The following RRM2 variants were observed in gnomAD, a reference collection of about 807,000 sequenced individuals.
RRM2 encodes the protein ribonucleotide reductase regulatory subunit M2.
Under a neutral mutation model 45.9 loss-of-function variants are expected in RRM2, and 6 were observed. The observed-to-expected ratio is 0.13, with a 90% CI of 0.07 to 0.26. The LOEUF is 0.26. RRM2 is among the 10% of genes least tolerant of loss of function. RRM2 has a pLI of 1.00. For missense variants in RRM2, 343 were observed against 489.5 expected, an observed-to-expected ratio of 0.70 and a Z score of 2.82; for synonymous variants, 177 against 173.0, an observed-to-expected ratio of 1.02 and a Z score of -0.18.
At chr2:10,178,326 A>T (rs1663975368) in intron 3 of RRM2, among the ~76,000 whole-genome samples, 2 of 146,134 alleles carry the variant, frequency 1.4e-5, no homozygotes, top group African/African-American at 2.5e-5. Context: ...GGGTTCAAGC[A>T]ATTCTCCCGC....
chr2:10,166,078 C>G (rs1416794479), intron 3 of RRM2, among the ~76,000 whole-genome samples: 1 of 152,226 alleles, frequency 6.6e-6, no homozygotes, highest in Non-Finnish European at 1.5e-5. Flanking sequence ...GACGGTCCTT[C>G]TGCCCCGAGG....
Position 10,123,741 on chromosome 2 carries a change from C to CCT in RRM2, c.328_329dup (p.Lys111ProfsTer10), listed in dbSNP as rs746257461. On this transcript the variant is annotated frameshift_variant, in exon 4 of 10. Transcript: ENST00000304567. LOFTEE classifies it high-confidence loss of function. ...TTGTGACTTCCGAACCTCAGGTGGA[C>CCT]CTCTCCAAGGACATTCAGCACTGGG... is the stretch of plus-strand genomic sequence containing the variant. The CCT allele has an allele frequency of 3.8e-6, 6 of 1,590,516 alleles. No individual in the cohort carries two copies. In the Admixed American group the frequency reaches 1.0e-4, roughly 27 times the overall value.
At chr2:10,126,808 T>C in intron 5 of RRM2, 67 bp from the exon 6 acceptor site, 1 of 1,201,820 alleles carries the variant, frequency 8.3e-7, no homozygotes, top group Non-Finnish European at 1.2e-6. Context: ...AGCTCTTATC[T>C]AGCAGTTGGT....
rs1664650027 is a variant in RRM2 at position 10,205,733 on chromosome 2, C to T, written n.483-4578C>T. Among the ~76,000 whole-genome samples, 1 of 151,812 alleles carries T rather than the reference C, an allele frequency of 6.6e-6. No individual in the cohort carries two copies. The highest frequency in any genetic ancestry group is 2.4e-5 in the African/African-American group (1 of 41,330). The stretch of plus-strand genomic sequence containing the variant: ...TTGAGATGGAGTCTTGCTGTGTCAC[C>T]CAGGCTGGAGTGCAATGGTGCAATC... On this transcript the variant is annotated intron_variant and non_coding_transcript_variant, in intron 3 of 3. Transcript: ENST00000381786. The surrounding 1 kb of genome is among the most constrained non-coding windows in gnomAD (Gnocchi z 4.8).
At chr2:10,181,480 G>C (rs1345518991) in intron 3 of RRM2, among the ~76,000 whole-genome samples, 1 of 152,086 alleles carries the variant, frequency 6.6e-6, no homozygotes, top group Non-Finnish European at 1.5e-5. Context: ...TTATTTTGCT[G>C]TTCCTTTTGT....
At chr2:10,184,309 C>T (rs1028722791) in intron 3 of RRM2, among the ~76,000 whole-genome samples, 35 of 152,102 alleles carry the variant, frequency 2.3e-4, no homozygotes, top group African/African-American at 8.5e-4. Flanking sequence ...TTCTTTTCTC[C>T]CAAAGCTGGG....
At position 10,123,060 on chromosome 2, in the gene RRM2, G is replaced by T. The variant is rs1043639096; in HGVS notation, c.174+3G>T. On this transcript the variant is annotated splice_donor_region_variant and intron_variant, in intron 2 of 9. Transcript: ENST00000304567. ...TCTTCCAGGAGCCCACGGAGCCGGTGAGTGGCGGGCGTGGGGCAGAGGGGC... is the reference window on the plus strand; with the variant it reads ...TCTTCCAGGAGCCCACGGAGCCGGTTAGTGGCGGGCGTGGGGCAGAGGGGC... The T allele has an allele frequency of 7.1e-6, 11 of 1,551,740 alleles. No individual in the cohort carries two copies. The highest frequency in any genetic ancestry group is 9.5e-6 in the Non-Finnish European group (11 of 1,155,722).
At chr2:10,177,072 C>T (rs148941592) in intron 3 of RRM2, among the ~76,000 whole-genome samples, 1,550 of 152,076 alleles carry the variant, frequency 0.01, 7 homozygotes, top group Non-Finnish European at 0.017. Flanking sequence ...ACAGTGAAAC[C>T]CCATCTTTAC....
At chr2:10,164,009 CGTGTGT>C (rs370774780) in intron 3 of RRM2, among the ~76,000 whole-genome samples, 2 of 150,058 alleles carry the variant, frequency 1.3e-5, no homozygotes, top group Non-Finnish European at 3.0e-5. Context: ...TGAATGTGTG[CGTGTGT>C]GTGTGTGTGT....
chr2:10,138,840 GCTCAC>G (rs1412791834), upstream of RRM2, among the ~76,000 whole-genome samples: 3 of 151,900 alleles, frequency 2.0e-5, no homozygotes, highest in African/African-American at 7.2e-5. Flanking sequence ...AGGCGTGGTG[GCTCAC>G]GCCTGTAATC....
chr2:10,150,281 A>G (rs933061382), intron 3 of RRM2, among the ~76,000 whole-genome samples: 2 of 152,044 alleles, frequency 1.3e-5, no homozygotes, highest in Non-Finnish European at 2.9e-5. Flanking sequence ...CCCCATCTCT[A>G]CTAAAAATAC....
chr2:10,198,170 C>T (rs888059072), intron 3 of RRM2, among the ~76,000 whole-genome samples: 1 of 152,192 alleles, frequency 6.6e-6, no homozygotes, highest in African/African-American at 2.4e-5. Context: ...TCAGGGGAGC[C>T]CCACCCATGG....
chr2:10,127,933 G>A lies in RRM2; in HGVS notation c.798+713G>A, dbSNP rs1662816031. ...TGTAATCCCAGCACTTTGGTAGGCCGAGGCGGGTGGATCATGAGGTCAGGA... is the reference window on the plus strand; with the variant it reads ...TGTAATCCCAGCACTTTGGTAGGCCAAGGCGGGTGGATCATGAGGTCAGGA... On this transcript the variant is annotated intron_variant, in intron 7 of 9. Coordinates refer to ENST00000304567, the MANE Select transcript of RRM2 (RefSeq NM_001034.4). The surrounding 1 kb of genome is among the most constrained non-coding windows in gnomAD (Gnocchi z 4.1). Among the ~76,000 whole-genome samples, 1 of 151,876 alleles carries A rather than the reference G, an allele frequency of 6.6e-6. No individual in the cohort carries two copies. Among genetic ancestry groups the A allele is most frequent in the Non-Finnish European group, 1.5e-5 (1 of 67,920 alleles).
intron 3 of RRM2, among the ~76,000 whole-genome samples, chr2:10,191,541 GT>G: frequency 1.3e-5 from 2 of 152,180 alleles, no homozygotes; most frequent in East Asian, 3.9e-4. Context: ...TGTCAGCTGG[GT>G]GCACAGGCAG....
At chr2:10,175,197 G>C (rs1174277498) in intron 3 of RRM2, among the ~76,000 whole-genome samples, 2 of 152,250 alleles carry the variant, frequency 1.3e-5, no homozygotes, top group Admixed American at 6.5e-5. Context: ...AGCATGGCCA[G>C]TGCCCAGAGG....
chr2:10,194,224 G>A lies in RRM2; in HGVS notation n.483-16087G>A, dbSNP rs146835547. ...GCCAGCTTCCTGGGTGCACAAGGCC[G>A]TGGCCAGCTTCCGGGCTCAGTCGTG... On this transcript the variant is annotated intron_variant and non_coding_transcript_variant, in intron 3 of 3. Coordinates refer to the RRM2 transcript ENST00000381786. Among the ~76,000 whole-genome samples the A allele has an allele frequency of 7.8e-3, 1,192 of 152,330 alleles. 19 individuals carry two copies. Among genetic ancestry groups the A allele is most frequent in the African/African-American group, 0.027 (1,112 of 41,578 alleles).
chr2:10,150,276 T>C (rs1572502896), intron 3 of RRM2, among the ~76,000 whole-genome samples: 1 of 152,126 alleles, frequency 6.6e-6, no homozygotes, highest in Admixed American at 6.5e-5. Context: ...TGAAACCCCA[T>C]CTCTACTAAA....
chr2:10,146,409 T>C (rs1206153428), intron 3 of RRM2, among the ~76,000 whole-genome samples: 1 of 152,214 alleles, frequency 6.6e-6, no homozygotes, highest in Non-Finnish European at 1.5e-5. Flanking sequence ...TCCCTGGTAA[T>C]TCTCATGTGC....
At chr2:10,209,476 C>G (rs1275141743) in intron 3 of RRM2, among the ~76,000 whole-genome samples, 1 of 152,196 alleles carries the variant, frequency 6.6e-6, no homozygotes, top group East Asian at 1.9e-4. Context: ...CCAGTCTCTT[C>G]TTTTCTTGTG....
Sources: gnomAD v4.1 joint callset for allele counts (sites outside exome capture counted in the v4.1 genomes callset) on GRCh38, gnomAD v4.1.1 for gene constraint, Gnocchi (gnomAD v3.1) non-coding constraint, MANE v1.5 for transcripts, NCBI Gene and HGNC (gene_info 2026-07-23, HGNC 2026-07-21) for gene names.